SCN7A: variants seen among roughly 807,000 people sequenced by gnomAD.
SCN7A encodes the protein sodium channel protein type 7 subunit alpha.
Under a neutral mutation model 155.2 loss-of-function variants are expected in SCN7A, and 138 were observed. That is an observed-to-expected ratio of 0.89 (90% CI 0.77 to 1.02). The LOEUF is 1.02. SCN7A is among the 50% of genes least tolerant of loss of function. SCN7A has a pLI of 0.00. For synonymous variants in SCN7A, 693 were observed against 649.0 expected, an observed-to-expected ratio of 1.07 and a Z score of -1.03; for missense variants, 2,058 against 1,986.6, an observed-to-expected ratio of 1.04 and a Z score of -0.68.
intron 12 of SCN7A, among the ~76,000 whole-genome samples, chr2:166,445,757 G>A (rs75016896): frequency 0.031 from 4,765 of 151,978 alleles, 95 homozygotes; most frequent in Non-Finnish European, 0.04. Flanking sequence ...TGCTGGATTC[G>A]ACAAAAACAA....
intron 6 of SCN7A, among the ~76,000 whole-genome samples, chr2:166,471,733 G>T (rs1434738958): frequency 6.7e-6 from 1 of 149,512 alleles, no homozygotes; most frequent in Non-Finnish European, 1.5e-5. Context: ...TGTGGGGGGG[G>T]GGGTGGTGTT....
chr2:166,423,237 T>C (rs776979116), intron 19 of SCN7A, 22 bp downstream of exon 19: 11 of 1,590,436 alleles, frequency 6.9e-6, no homozygotes, highest in African/African-American at 6.8e-5. Flanking sequence ...AAATAGCCTT[T>C]CATTTTCTTT....
chr2:166,424,470 G>A (rs1701578104), intron 18 of SCN7A, among the ~76,000 whole-genome samples: 1 of 152,000 alleles, frequency 6.6e-6, no homozygotes, highest in South Asian at 2.1e-4. Context: ...GGCCCTAATT[G>A]TAGAAAGGAG....
intron 23 of SCN7A, among the ~76,000 whole-genome samples, chr2:166,411,006 T>C (rs1017537216): frequency 6.6e-5 from 10 of 152,014 alleles, no homozygotes; most frequent in Non-Finnish European, 1.3e-4. Flanking sequence ...AAGCAAATCC[T>C]AGTATGTTAT....
In SCN7A at chr2:166,491,405, G is replaced by C. The variant is rs1007750597; in HGVS notation, c.-128+2563C>G. On this transcript the variant is annotated intron_variant, in intron 1 of 25. Transcript: ENST00000643258. The stretch of plus-strand genomic sequence containing the variant: ...AATTATAAATACTGCAGAGACAACA[G>C]GGATATCTGTTTGCTAGGAATTTCA... Among the ~76,000 whole-genome samples the C allele has an allele frequency of 7.2e-5, 11 of 152,120 alleles. No homozygotes were observed. The East Asian group carries it at 7.7e-4, about 11-fold the overall frequency.
chr2:166,417,079 T>C, intron 20 of SCN7A, 94 bp from the exon 21 acceptor site: 1 of 989,858 alleles, frequency 1.0e-6, no homozygotes, highest in Non-Finnish European at 1.5e-6. Flanking sequence ...TAGAATAACA[T>C]ATTTAAAAAA....
In SCN7A at chr2:166,412,672, A is replaced by G; in HGVS notation, c.3469-5T>C. On this transcript the variant is annotated splice_region_variant and splice_polypyrimidine_tract_variant and intron_variant, in intron 22 of 25. Coordinates refer to ENST00000643258, the MANE Select transcript of SCN7A (RefSeq NM_002976.4). Reference sequence around the variant, plus strand: ...AAAATGAGGCTGTATATTAACCTAGAAGTTTAAAATAAGCAAATTATTGAT... The same window carrying G: ...AAAATGAGGCTGTATATTAACCTAGGAGTTTAAAATAAGCAAATTATTGAT... 1 of 1,485,106 alleles carries G rather than the reference A, an allele frequency of 6.7e-7. No individual in the cohort carries two copies. The highest frequency in any genetic ancestry group is 1.4e-5 in the South Asian group (1 of 69,390). The allele number at this position is 1,485,106 out of a possible 1,614,324, so 92.0% of individuals were successfully genotyped here. A position where few individuals can be genotyped will look rare whatever the true frequency, so the allele number is the denominator to read the frequency against.
At chr2:166,408,386 G>A (rs1456905741) in intron 25 of SCN7A, among the ~76,000 whole-genome samples, 1 of 151,930 alleles carries the variant, frequency 6.6e-6, no homozygotes, top group Non-Finnish European at 1.5e-5. Context: ...GTCTTCTCAA[G>A]TTATTACACT....
At chr2:166,411,177 A>C (rs1701194945) in intron 23 of SCN7A, among the ~76,000 whole-genome samples, 1 of 152,078 alleles carries the variant, frequency 6.6e-6, no homozygotes, top group South Asian at 2.1e-4. Flanking sequence ...TCAGTTAGCC[A>C]TGGTCAACCA....
At chr2:166,478,271 C>T (rs1485155639) in intron 2 of SCN7A, among the ~76,000 whole-genome samples, 1 of 150,574 alleles carries the variant, frequency 6.6e-6, no homozygotes, top group East Asian at 1.9e-4. Flanking sequence ...ACACGTTGTG[C>T]ACGTATACCC....
intron 21 of SCN7A, among the ~76,000 whole-genome samples, chr2:166,413,601 T>C (rs1384739249): frequency 6.6e-6 from 1 of 151,990 alleles, no homozygotes; most frequent in Non-Finnish European, 1.5e-5. Flanking sequence ...GTCAATTTGA[T>C]TGGATTGAAG....
intron 15 of SCN7A, among the ~76,000 whole-genome samples, chr2:166,438,405 T>C (rs1315274349): frequency 6.6e-6 from 1 of 152,186 alleles, no homozygotes; most frequent in African/African-American, 2.4e-5. Flanking sequence ...GTGTCAGGTA[T>C]GTCTTTATTA....
In SCN7A at chr2:166,405,984, G is replaced by T. The variant is rs1437322029; in HGVS notation, c.4645C>A (p.Leu1549Ile). 1 of 1,613,026 alleles carries T rather than the reference G, an allele frequency of 6.2e-7. No individual in the cohort carries two copies. Among genetic ancestry groups the T allele is most frequent in the South Asian group, 1.1e-5 (1 of 91,042 alleles). ...CCCTTGTTTGGTTTTGCCATGAAAA[G>T]AGGAGGATCAAGAGCAGCTGCAAAA... is the stretch of plus-strand genomic sequence containing the variant. ...SDFAAALDPP[L>I]FMAKPNKGQL... The change falls in exon 26 of 26, where the codon CTT (leucine) becomes ATT (isoleucine). Residue 1549 changes from leucine to isoleucine, a missense_variant. Transcript: ENST00000643258.
At chr2:166,481,655 T>A (rs1161208408) in intron 2 of SCN7A, among the ~76,000 whole-genome samples, 1 of 152,136 alleles carries the variant, frequency 6.6e-6, no homozygotes, top group Non-Finnish European at 1.5e-5. Context: ...TGTGCTGTAA[T>A]CCAAGAACAC....
At chr2:166,422,209 G>A (rs1701525887) in intron 19 of SCN7A, among the ~76,000 whole-genome samples, 1 of 152,106 alleles carries the variant, frequency 6.6e-6, no homozygotes, top group South Asian at 2.1e-4. Context: ...AGAATAGAGA[G>A]CCATTCATTC....
chr2:166,472,469 T>C (rs1702682375), intron 5 of SCN7A, 24 bp from the exon 6 acceptor site: 1 of 1,527,694 alleles, frequency 6.5e-7, no homozygotes, highest in Non-Finnish European at 9.0e-7. Flanking sequence ...TTCATATAAA[T>C]ATTATTGGTG....
Position 166,413,907 on chromosome 2 carries a change from T to C in SCN7A, c.3415-786A>G, listed in dbSNP as rs936721903. Among the ~76,000 whole-genome samples the C allele has an allele frequency of 5.7e-5, 8 of 141,560 alleles. No homozygotes were observed. The Admixed American group carries it at 6.2e-4, about 11-fold the overall frequency. 92.9% of individuals were successfully genotyped at this position (141,560 alleles called of 152,430 possible). A position where few individuals can be genotyped will look rare whatever the true frequency, so the allele number is the denominator to read the frequency against. On this transcript the variant is annotated intron_variant, in intron 21 of 25. Transcript: ENST00000643258. The stretch of plus-strand genomic sequence containing the variant: ...GCTCCTCAAGCTTGCATACAGCCTA[T>C]TGTGGGACCCTGTGATCATTGATCA...
At chr2:166,421,439 C>T (rs1312107397) in intron 19 of SCN7A, 142 bp from the exon 20 acceptor site, 1 of 436,272 alleles carries the variant, frequency 2.3e-6, no homozygotes, top group Non-Finnish European at 4.0e-6. Context: ...ACATATACTT[C>T]AAAATACATT....
intron 20 of SCN7A, among the ~76,000 whole-genome samples, chr2:166,420,448 A>T (rs11899387): frequency 0.3 from 46,291 of 151,884 alleles, 8,906 homozygotes; most frequent in African/African-American, 0.54. Flanking sequence ...ATTTGAACGT[A>T]TTCTCCCATT....
Sources: gnomAD v4.1 joint callset for allele counts (sites outside exome capture counted in the v4.1 genomes callset) on GRCh38, gnomAD v4.1.1 for gene constraint, MANE v1.5 for transcripts, NCBI Gene and HGNC (gene_info 2026-07-23, HGNC 2026-07-21) for gene names.